The following LHFPL5 variants were observed in gnomAD, a reference collection of about 807,000 sequenced individuals.
The protein encoded by LHFPL5 is LHFPL tetraspan subfamily member 5.
In LHFPL5, 12 loss-of-function variants were observed where a neutral mutation model predicts 18.7. That is an observed-to-expected ratio of 0.64 (90% confidence interval 0.41 to 1.04). The LOEUF (loss-of-function observed/expected upper bound fraction) is 1.04. Ranked by LOEUF, LHFPL5 falls within the 50% of genes least tolerant of loss-of-function variation. The pLI, the probability that LHFPL5 is intolerant of heterozygous loss-of-function variation, is 0.00. For synonymous variants in LHFPL5, 111 were observed against 120.2 expected, an observed-to-expected ratio of 0.92 and a Z score of 0.50; for missense variants, 259 against 292.1, an observed-to-expected ratio of 0.89 and a Z score of 0.83.
chr6:35,815,812 A>T (rs569806488), intron 2 of LHFPL5, among the ~76,000 whole-genome samples: 12 of 152,188 alleles, frequency 7.9e-5, no homozygotes, highest in Non-Finnish European at 1.6e-4. Context: ...CTCCATAAGG[A>T]AGTGATAGGA....
chr6:35,812,043 TCA>T (rs1768672625), intron 1 of LHFPL5, among the ~76,000 whole-genome samples: 1 of 152,172 alleles, frequency 6.6e-6, no homozygotes, highest in Non-Finnish European at 1.5e-5. Context: ...CTTTGAGCCC[TCA>T]GTTTTCTAAT....
At chr6:35,815,428 C>T (rs1162023613) in intron 2 of LHFPL5, among the ~76,000 whole-genome samples, 3 of 152,148 alleles carry the variant, frequency 2.0e-5, no homozygotes, top group Non-Finnish European at 4.4e-5. Context: ...GTGCCTTTTG[C>T]TTCTGTTTCT....
At chr6:35,818,348 TG>T (rs1561955720) in intron 2 of LHFPL5, among the ~76,000 whole-genome samples, 76 of 5,632 alleles carry the variant, frequency 0.013, no homozygotes, top group African/African-American at 0.026. Context: ...TATATATATA[TG>T]TATTTTTTTT....
rs1288227784 is a variant in LHFPL5, at chr6:35,814,939, G to A, written c.649+157G>A. ...CCCCTTGTCCTCCCTGAAATCAAAGGCCAGTGGAGGGTTGCAAGCTAGCAG... is the reference window on the plus strand; with the variant it reads ...CCCCTTGTCCTCCCTGAAATCAAAGACCAGTGGAGGGTTGCAAGCTAGCAG... On this transcript the variant is annotated intron_variant, in intron 2 of 3. Transcript: ENST00000360215. This position sits in a 1 kb window ranked among gnomAD's most constrained non-coding sequence, Gnocchi z 4.2. Among the ~76,000 whole-genome samples, 2 of 152,034 alleles carry A rather than the reference G, an allele frequency of 1.3e-5. No homozygotes were observed. Among genetic ancestry groups the A allele is most frequent in the East Asian group, 3.9e-4 (2 of 5,186 alleles).
At position 35,812,783 on chromosome 6, in the gene LHFPL5, G is replaced by A. The variant is rs144461749; in HGVS notation, c.413-1763G>A. 6.6e-3 allele frequency among the ~76,000 whole-genome samples: 1,008 copies of A among 152,304 alleles called. 12 individuals carry two copies. The highest frequency in any genetic ancestry group is 0.023 in the African/African-American group (975 of 41,564). On this transcript the variant is annotated intron_variant, in intron 1 of 3. Coordinates refer to ENST00000360215, the MANE Select transcript of LHFPL5 (RefSeq NM_182548.4). ...ACAAAGCTTAAGTATGGCTGGGCAC[G>A]GTGGCTCACGCCTGTAATCCCAGCA...
At chr6:35,819,269 ACAAT>A (rs1206227626) in intron 2 of LHFPL5, among the ~76,000 whole-genome samples, 164 bp from the exon 3 acceptor site, 1 of 152,234 alleles carries the variant, frequency 6.6e-6, no homozygotes, top group Non-Finnish European at 1.5e-5. Flanking sequence ...GGTAAGGGAG[ACAAT>A]CATGCGATAC....
At chr6:35,819,608 A>C (rs991051125) in intron 3 of LHFPL5, 145 bp downstream of exon 3, 4 of 772,136 alleles carry the variant, frequency 5.2e-6, no homozygotes, top group African/African-American at 3.5e-5. Flanking sequence ...CCAACACCCC[A>C]CTGGGGCAGG....
chr6:35,805,691 C>G lies in LHFPL5; in HGVS notation c.21C>G (p.Ala7=). The change falls in exon 1 of 4, where the codon GCC becomes GCG. Residue 7 remains alanine, a synonymous_variant. Coordinates refer to ENST00000360215, the MANE Select transcript of LHFPL5 (RefSeq NM_182548.4). The surrounding 1 kb of genome is among the most constrained non-coding windows in gnomAD (Gnocchi z 4.3). The stretch of plus-strand genomic sequence containing the variant: ...TCACCATGGTGAAATTGCTGCCGGC[C>G]CAGGAGGCAGCCAAGATCTACCATA... The part of the protein sequence containing the change: MVKLLP[A]QEAAKIYHTN... 1 of 1,614,078 alleles carries G rather than the reference C, an allele frequency of 6.2e-7. No homozygotes were observed. Among genetic ancestry groups the G allele is most frequent in the East Asian group, 2.2e-5 (1 of 44,868 alleles).
chr6:35,813,238 C>G (rs1768698172), intron 1 of LHFPL5, among the ~76,000 whole-genome samples: 1 of 105,452 alleles, frequency 9.5e-6, no homozygotes. Flanking sequence ...TAGGAACTAG[C>G]ATTTTTTTTT....
chr6:35,819,673 T>G, intron 3 of LHFPL5: 2 of 587,648 alleles, frequency 3.4e-6, no homozygotes, highest in East Asian at 5.6e-5. Flanking sequence ...CCTTTAGTTT[T>G]ACCTGTGTCT....
In LHFPL5 at chr6:35,814,694, C is replaced by T. The variant is rs1768728766; in HGVS notation, c.561C>T (p.Gly187=). 4 of 1,614,170 alleles carry T rather than the reference C, an allele frequency of 2.5e-6. No homozygotes were observed. Among genetic ancestry groups the T allele is most frequent in the East Asian group, 2.2e-5 (1 of 44,874 alleles). Residue 187 remains glycine, a synonymous_variant, in exon 2 of 4, where the codon GGC becomes GGT. Transcript: ENST00000360215. This position sits in a 1 kb window ranked among gnomAD's most constrained non-coding sequence, Gnocchi z 4.2. ...WAFMLAILSI[G]DALILSFLAF... Reference sequence around the variant, plus strand: ...TCATGCTGGCCATCCTCAGCATTGGCGACGCCCTCATCCTCTCCTTCCTGG... The same window carrying T: ...TCATGCTGGCCATCCTCAGCATTGGTGACGCCCTCATCCTCTCCTTCCTGG...
rs373755299 is a variant in LHFPL5 at position 35,806,018 on chromosome 6, C to G, written c.348C>G (p.Ser116Arg). The G allele has an allele frequency of 9.3e-6, 15 of 1,614,128 alleles. No individual in the cohort carries two copies. The highest frequency in any genetic ancestry group is 1.1e-5 in the Non-Finnish European group (13 of 1,180,058). Residue 116 changes from serine to arginine, a missense_variant, in exon 1 of 4, where the codon AGC (serine) becomes AGG (arginine). Transcript: ENST00000360215. ...TCATTGGCTCCATCATCTGCTTCAG[C>G]CTGTTCTTCATCTGCAACACGGCCA... is the stretch of plus-strand genomic sequence containing the variant. ...FLIIGSIICF[S>R]LFFICNTATV...
intron 3 of LHFPL5, among the ~76,000 whole-genome samples, chr6:35,821,303 C>CA (rs545383687): frequency 0.073 from 7,273 of 99,842 alleles, 247 homozygotes; most frequent in Middle Eastern, 0.11. Context: ...GACTGAGTCT[C>CA]AAAAAAAAAA....
rs899508192 is a variant in LHFPL5 at position 35,817,376 on chromosome 6, A to AT, written c.650-2052dup. Among the ~76,000 whole-genome samples, 21 of 151,970 alleles carry AT rather than the reference A, an allele frequency of 1.4e-4. No homozygotes were observed. The East Asian group carries it at 1.7e-3, about 13-fold the overall frequency. On this transcript the variant is annotated intron_variant, in intron 2 of 3. Transcript: ENST00000360215. ...TAAATCAGCTTTCATTAAAATTTAA[A>AT]TTTTTTTTTGTTTCAAAAGACACCA...
chr6:35,818,834 T>C (rs1049998153), intron 2 of LHFPL5, among the ~76,000 whole-genome samples: 2 of 151,438 alleles, frequency 1.3e-5, no homozygotes, highest in African/African-American at 2.4e-5. Flanking sequence ...ATATTCACTA[T>C]TTTTTTTCCT....
chr6:35,821,788 T>A (rs533080646), intron 3 of LHFPL5, among the ~76,000 whole-genome samples: 4 of 151,586 alleles, frequency 2.6e-5, no homozygotes, highest in Non-Finnish European at 4.4e-5. Context: ...GCTCCCTTTT[T>A]TATGTTTTTG....
rs1768896679 is a variant in LHFPL5, at chr6:35,823,141, T to C, written c.*176T>C. ...GACAGTCTCCTGAGACAAGACCTCCTACTGTACTCTTTCTGGGGAAGCAGA... is the reference window on the plus strand; with the variant it reads ...GACAGTCTCCTGAGACAAGACCTCCCACTGTACTCTTTCTGGGGAAGCAGA... On this transcript the variant is annotated 3_prime_UTR_variant, in exon 4 of 4. Coordinates refer to ENST00000360215, the MANE Select transcript of LHFPL5 (RefSeq NM_182548.4). The C allele has an allele frequency of 6.6e-6, 1 of 152,128 alleles. No individual in the cohort carries two copies. The highest frequency in any genetic ancestry group is 2.4e-5 in the African/African-American group (1 of 41,406). 9.4% of individuals were successfully genotyped at this position (152,128 alleles called of 1,614,324 possible). A position where few individuals can be genotyped will look rare whatever the true frequency, so the allele number is the denominator to read the frequency against.
Position 35,814,700 on chromosome 6 carries a change from C to G in LHFPL5, c.567C>G (p.Ala189=), listed in dbSNP as rs538276770. 5.9e-5 allele frequency: 96 copies of G among 1,614,162 alleles called. No individual in the cohort carries two copies. In the South Asian group the frequency reaches 9.8e-4, roughly 16 times the overall value. ...FMLAILSIGD[A]LILSFLAFVL... ...TGGCCATCCTCAGCATTGGCGACGC[C>G]CTCATCCTCTCCTTCCTGGCCTTCG... Residue 189 remains alanine, a synonymous_variant, in exon 2 of 4, where the codon GCC becomes GCG. Coordinates refer to ENST00000360215, the MANE Select transcript of LHFPL5 (RefSeq NM_182548.4). The surrounding 1 kb of genome is among the most constrained non-coding windows in gnomAD (Gnocchi z 4.2).
chr6:35,813,891 G>A (rs1165348961), intron 1 of LHFPL5, among the ~76,000 whole-genome samples: 2 of 150,982 alleles, frequency 1.3e-5, no homozygotes, highest in African/African-American at 2.4e-5. Context: ...CTGCCTGCAG[G>A]GTTCAAGCTA....
Sources: gnomAD v4.1 joint callset for allele counts (sites outside exome capture counted in the v4.1 genomes callset) on GRCh38, gnomAD v4.1.1 for gene constraint, Gnocchi (gnomAD v3.1) non-coding constraint, MANE v1.5 for transcripts, NCBI Gene and HGNC (gene_info 2026-07-23, HGNC 2026-07-21) for gene names.